SOX6: variants seen among roughly 807,000 people sequenced by gnomAD.
SOX6 encodes the protein transcription factor SOX-6.
A neutral mutation model predicts 97.8 loss-of-function variants in SOX6; 11 were observed. The observed-to-expected ratio is 0.11, with a 90% CI of 0.07 to 0.19. The LOEUF (loss-of-function observed/expected upper bound fraction) is 0.19. Among genes scored for constraint, SOX6 ranks in the 10% least tolerant of loss-of-function variants. The pLI is 1.00. For missense variants in SOX6, 810 were observed against 1,039.5 expected, an observed-to-expected ratio of 0.78 and a Z score of 3.04; for synonymous variants, 360 against 371.4, an observed-to-expected ratio of 0.97 and a Z score of 0.35.
chr11:16,662,664 T>C (rs987964678), intron 3 of SOX6, among the ~76,000 whole-genome samples: 17 of 152,098 alleles, frequency 1.1e-4, no homozygotes, highest in Non-Finnish European at 1.9e-4. Context: ...AAAAAAAGCA[T>C]TGGACAAAAT....
intron 3 of SOX6, among the ~76,000 whole-genome samples, chr11:16,657,695 G>T (rs1263539483): frequency 6.6e-6 from 1 of 152,104 alleles, no homozygotes; most frequent in Non-Finnish European, 1.5e-5. Context: ...GTGTATAGTG[G>T]TATCTCACTG....
At chr11:16,025,343 C>T (rs1267615953) in intron 12 of SOX6, among the ~76,000 whole-genome samples, 1 of 152,220 alleles carries the variant, frequency 6.6e-6, no homozygotes, top group East Asian at 1.9e-4. Context: ...CAAAAAGTCC[C>T]ACTGTAAAAT....
chr11:16,231,262 T>C (rs1420881452), intron 4 of SOX6, among the ~76,000 whole-genome samples: 1 of 151,732 alleles, frequency 6.6e-6, no homozygotes, highest in Admixed American at 6.6e-5. Context: ...TATTCAAACA[T>C]ATATTAAGAG....
At chr11:16,434,644 C>T (rs374084992) in intron 1 of SOX6, among the ~76,000 whole-genome samples, 9 of 152,200 alleles carry the variant, frequency 5.9e-5, no homozygotes, top group Non-Finnish European at 7.4e-5. Flanking sequence ...AATTCTTTGA[C>T]GTAAAAGGCC....
At chr11:16,397,810 T>C (rs1288392347) in intron 1 of SOX6, among the ~76,000 whole-genome samples, 1 of 151,540 alleles carries the variant, frequency 6.6e-6, no homozygotes, top group Non-Finnish European at 1.5e-5. Context: ...AAACACAAGA[T>C]ACAAGATACA....
intron 9 of SOX6, among the ~76,000 whole-genome samples, chr11:16,084,415 A>G (rs1848535389): frequency 6.6e-6 from 1 of 151,970 alleles, no homozygotes; most frequent in Non-Finnish European, 1.5e-5. Context: ...AAATTAATGA[A>G]TGAATAAGAG....
chr11:16,096,360 G>A (rs1021876541), intron 8 of SOX6, among the ~76,000 whole-genome samples: 9 of 151,828 alleles, frequency 5.9e-5, no homozygotes, highest in Non-Finnish European at 1.3e-4. Context: ...AGGAAGAGAA[G>A]AAATATATTA....
At chr11:16,364,852 A>T (rs1229062701) in intron 1 of SOX6, among the ~76,000 whole-genome samples, 1 of 152,112 alleles carries the variant, frequency 6.6e-6, no homozygotes, top group Non-Finnish European at 1.5e-5. Context: ...ATGAATTCAG[A>T]TCCCACGATT....
intron 4 of SOX6, among the ~76,000 whole-genome samples, chr11:16,514,318 A>G (rs1470146999): frequency 1.3e-5 from 2 of 152,022 alleles, no homozygotes; most frequent in Non-Finnish European, 2.9e-5. Context: ...TATCTGTGAT[A>G]TCTATGCAGT....
At chr11:16,602,809 G>C (rs1461364700) in intron 4 of SOX6, among the ~76,000 whole-genome samples, 1 of 152,086 alleles carries the variant, frequency 6.6e-6, no homozygotes, top group African/African-American at 2.4e-5. Context: ...ATCACCTGAG[G>C]TCAGGAGTTC....
intron 4 of SOX6, among the ~76,000 whole-genome samples, chr11:16,198,494 G>C (rs937517530): frequency 6.6e-6 from 1 of 151,880 alleles, no homozygotes; most frequent in Non-Finnish European, 1.5e-5. Flanking sequence ...TAAAAATAAG[G>C]GTTTTTAAAT....
intron 1 of SOX6, among the ~76,000 whole-genome samples, chr11:16,463,100 T>C (rs1389627139): frequency 6.6e-6 from 1 of 152,186 alleles, no homozygotes; most frequent in Non-Finnish European, 1.5e-5. Flanking sequence ...TTTTATCAGA[T>C]AAATTTGTAA....
chr11:16,132,681 G>A (rs1040103298), intron 6 of SOX6, among the ~76,000 whole-genome samples: 13 of 150,234 alleles, frequency 8.7e-5, no homozygotes, highest in Non-Finnish European at 1.8e-4. Flanking sequence ...TCCCTCTTGA[G>A]CTATCGGGTT....
intron 3 of SOX6, among the ~76,000 whole-genome samples, chr11:16,305,642 C>G (rs1029694074): frequency 6.6e-6 from 1 of 152,200 alleles, no homozygotes; most frequent in Admixed American, 6.5e-5. Context: ...AAACTGGAAT[C>G]TGCACAGATG....
At chr11:15,994,170 G>A (rs1854152674) in intron 13 of SOX6, among the ~76,000 whole-genome samples, 1 of 152,136 alleles carries the variant, frequency 6.6e-6, no homozygotes, top group African/African-American at 2.4e-5. Context: ...GATGCTAACA[G>A]CGGTAATTTA....
intron 1 of SOX6, among the ~76,000 whole-genome samples, chr11:16,383,381 G>A (rs756599559): frequency 6.6e-6 from 1 of 151,898 alleles, no homozygotes; most frequent in South Asian, 2.1e-4. Flanking sequence ...CCTCAGCTCA[G>A]AATCTATTTA....
intron 1 of SOX6, among the ~76,000 whole-genome samples, chr11:16,411,143 T>G (rs1858803096): frequency 6.6e-6 from 1 of 152,110 alleles, no homozygotes; most frequent in African/African-American, 2.4e-5. Flanking sequence ...AAGGGGAAAT[T>G]CTACATAATG....
intron 3 of SOX6, among the ~76,000 whole-genome samples, chr11:16,286,249 T>G (rs1166806604): frequency 1.3e-5 from 2 of 152,134 alleles, no homozygotes; most frequent in Non-Finnish European, 2.9e-5. Flanking sequence ...CTGGGATCTA[T>G]GCAACTTAGT....
At chr11:16,169,504 C>A (rs1589992416) in intron 6 of SOX6, among the ~76,000 whole-genome samples, 1 of 151,872 alleles carries the variant, frequency 6.6e-6, no homozygotes, top group Non-Finnish European at 1.5e-5. Flanking sequence ...TTTACAAAGT[C>A]TTTTTTAAAA....
Sources: gnomAD v4.1 joint callset for allele counts (sites outside exome capture counted in the v4.1 genomes callset) on GRCh38, gnomAD v4.1.1 for gene constraint, MANE v1.5 for transcripts, NCBI Gene and HGNC (gene_info 2026-07-23, HGNC 2026-07-21) for gene names.